Variants in KCNH6 observed in about 807,000 individuals in gnomAD.
KCNH6 encodes the protein potassium voltage-gated channel subfamily H member 6.
KCNH6 carries 81 observed loss-of-function variants against 83.4 expected under a neutral mutation model. The observed-to-expected ratio is 0.97, with a 90% CI of 0.81 to 1.17. The LOEUF is 1.17. Ranked by LOEUF, KCNH6 falls within the 50% of genes most tolerant of loss-of-function variation. The probability of loss-of-function intolerance (pLI) is 0.00; values close to 1 mark genes in which losing one functional copy is unlikely to be tolerated. For synonymous variants in KCNH6, 503 were observed against 545.6 expected, an observed-to-expected ratio of 0.92 and a Z score of 1.09; for missense variants, 1,203 against 1,290.5, an observed-to-expected ratio of 0.93 and a Z score of 1.04.
In KCNH6 at chr17:63,544,696, G is replaced by C. The variant is rs1254597102; in HGVS notation, c.2396+285G>C. 2.0e-5 allele frequency among the ~76,000 whole-genome samples: 3 copies of C among 152,154 alleles called. No individual in the cohort carries two copies. The East Asian group carries it at 5.8e-4, about 29-fold the overall frequency. ...TGTGGATGGCAGGGCTATGGTGGCA[G>C]AGCGAGGGCTTAGAGGCAGAACAGT... On this transcript the variant is annotated intron_variant, in intron 11 of 12. Transcript: ENST00000314672.
Position 63,530,138 on chromosome 17 carries a change from G to C in KCNH6, c.355G>C (p.Asp119His). The change falls in exon 3 of 13, where the codon GAC (aspartate) becomes CAC (histidine). Residue 119 changes from aspartate to histidine, a missense_variant. Transcript: ENST00000314672. ...LVDVVPVKNE[D>H]GAVIMFILNF... ...AGATGTGGTGCCCGTGAAGAACGAG[G>C]ACGGGGCTGTCATCATGTTCATTCT... 1 of 1,614,078 alleles carries C rather than the reference G, an allele frequency of 6.2e-7. No individual in the cohort carries two copies. The highest frequency in any genetic ancestry group is 8.5e-7 in the Non-Finnish European group (1 of 1,180,050).
intron 8 of KCNH6, 135 bp from the exon 9 acceptor site, chr17:63,542,106 C>T (rs752272521): frequency 1.8e-5 from 15 of 848,044 alleles, no homozygotes; most frequent in East Asian, 8.0e-5. Context: ...CCAGCCATGT[C>T]CCCAGAGCTC....
chr17:63,540,331 G>A (rs1598006574), intron 8 of KCNH6, among the ~76,000 whole-genome samples: 1 of 152,110 alleles, frequency 6.6e-6, no homozygotes, highest in Non-Finnish European at 1.5e-5. Context: ...TACTTGGGAG[G>A]CTGAGGCAGA....
In KCNH6 at chr17:63,543,007, G is replaced by C. The variant is rs536587169; in HGVS notation, c.2149-569G>C. Among the ~76,000 whole-genome samples the C allele has an allele frequency of 2.6e-4, 39 of 152,358 alleles. No individual in the cohort carries two copies. The South Asian group carries it at 8.1e-3, about 32-fold the overall frequency. On this transcript the variant is annotated intron_variant, in intron 9 of 12. Transcript: ENST00000314672. The stretch of plus-strand genomic sequence containing the variant: ...GAAGGTATAAAGGAGAAGCCATGTG[G>C]AGCTCAAGCTTGCTAAGGAGTGGGA...
chr17:63,548,221 G>A (rs949760924), downstream of KCNH6, among the ~76,000 whole-genome samples: 3 of 152,002 alleles, frequency 2.0e-5, no homozygotes, highest in African/African-American at 4.8e-5. Flanking sequence ...AGCCAAGATC[G>A]TGCCACTGCA....
At chr17:63,540,304 GTGC>G (rs775341525) in intron 8 of KCNH6, among the ~76,000 whole-genome samples, 7 of 151,978 alleles carry the variant, frequency 4.6e-5, no homozygotes, top group Non-Finnish European at 1.0e-4. Flanking sequence ...ATGGTGGCGG[GTGC>G]CTGTAATCCC....
chr17:63,544,402 A>G lies in KCNH6; in HGVS notation c.2387A>G (p.Gln796Arg), dbSNP rs1159885711. 6.3e-7 allele frequency: 1 copy of G among 1,579,088 alleles called. No individual in the cohort carries two copies. Among genetic ancestry groups the G allele is most frequent in the African/African-American group, 1.4e-5 (1 of 73,824 alleles). ...LGSRLEQLQA[Q>R]MNRLESRVSS... ...TCCAGGCTAGAGCAGCTCCAGGCCC[A>G]GATGAACAGGTGTGTGTGCTGTGGT... is the stretch of plus-strand genomic sequence containing the variant. Residue 796 changes from glutamine to arginine, a missense_variant, in exon 11 of 13, where the codon CAG becomes CGG. By Grantham distance (43) the Gln-to-Arg change is conservative. Transcript: ENST00000314672.
intron 2 of KCNH6, among the ~76,000 whole-genome samples, chr17:63,528,178 C>T (rs180723819): frequency 2.4e-4 from 36 of 152,302 alleles, no homozygotes; most frequent in African/African-American, 7.9e-4. Context: ...GAGCAGTGTC[C>T]GAGGCCACTG....
At position 63,523,981 on chromosome 17, in the gene KCNH6, C is replaced by T. The variant is rs2031518442; in HGVS notation, c.77-158C>T. On this transcript the variant is annotated intron_variant, in intron 1 of 12. Transcript: ENST00000314672. The surrounding 1 kb of genome is among the most constrained non-coding windows in gnomAD (Gnocchi z 4.2). ...CAAGACCCTCACTGCCCTAGTCTTC[C>T]CACAATCCCCAGGCCTGACTCCCTC... Among the ~76,000 whole-genome samples, 1 of 152,006 alleles carries T rather than the reference C, an allele frequency of 6.6e-6. No homozygotes were observed. The highest frequency in any genetic ancestry group is 2.1e-4 in the South Asian group (1 of 4,816).
rs1415765247 is a variant in KCNH6, at chr17:63,533,324, C to T, written c.676-562C>T. On this transcript the variant is annotated intron_variant, in intron 4 of 12. Transcript: ENST00000314672. This position sits in a 1 kb window ranked among gnomAD's most constrained non-coding sequence, Gnocchi z 4.1. ...ACCCGTTGAGGGTCCAGGTTGGCTA[C>T]ACCCCTACCCCATGGACTCTTTCCA... Among the ~76,000 whole-genome samples the T allele has an allele frequency of 6.6e-6, 1 of 152,138 alleles. No individual in the cohort carries two copies. The highest frequency in any genetic ancestry group is 2.4e-5 in the African/African-American group (1 of 41,416).
intron 8 of KCNH6, among the ~76,000 whole-genome samples, chr17:63,539,043 C>T (rs1040060689): frequency 3.9e-5 from 6 of 152,098 alleles, no homozygotes; most frequent in African/African-American, 1.4e-4. Context: ...GGCTGGGGAC[C>T]CCAGTCTCAT....
rs751877100 is a variant in KCNH6, at chr17:63,533,738, C to A, written c.676-148C>A. The A allele has an allele frequency of 7.7e-6, 5 of 649,444 alleles. No homozygotes were observed. Among genetic ancestry groups the A allele is most frequent in the Non-Finnish European group, 1.3e-5 (5 of 376,586 alleles). 40.2% of individuals were successfully genotyped at this position (649,444 alleles called of 1,614,324 possible). Reference sequence around the variant, plus strand: ...GGAACTTGCCTTCTCAGACACCCCCCACCCCATCTCTCCCTCATCCCCTCT... The same window carrying A: ...GGAACTTGCCTTCTCAGACACCCCCAACCCCATCTCTCCCTCATCCCCTCT... On this transcript the variant is annotated intron_variant, in intron 4 of 12. Coordinates refer to ENST00000314672, the MANE Select transcript of KCNH6 (RefSeq NM_001278919.2). This position sits in a 1 kb window ranked among gnomAD's most constrained non-coding sequence, Gnocchi z 4.1.
chr17:63,530,170 C>T lies in KCNH6; in HGVS notation c.387C>T (p.Phe129=), dbSNP rs757941229. 2.0e-5 allele frequency: 32 copies of T among 1,614,090 alleles called. No homozygotes were observed. The highest frequency in any genetic ancestry group is 2.5e-5 in the Non-Finnish European group (29 of 1,180,048). The change falls in exon 3 of 13, where the codon TTC becomes TTT. Residue 129 remains phenylalanine, a synonymous_variant. Transcript: ENST00000314672. ...CTGTCATCATGTTCATTCTCAACTT[C>T]GAGGACCTGGCCCAGCTCCTGGCCA... The part of the protein sequence containing the change: ...DGAVIMFILN[F]EDLAQLLAKC...
chr17:63,532,906 C>T (rs1198386487), intron 4 of KCNH6, among the ~76,000 whole-genome samples: 2 of 152,176 alleles, frequency 1.3e-5, no homozygotes, highest in Non-Finnish European at 2.9e-5. Context: ...ATAGATGGAT[C>T]TCACTAACTA....
Position 63,538,788 on chromosome 17 carries a change from C to T in KCNH6, c.1954+126C>T, listed in dbSNP as rs2032696502. ...TTACTTTTACTGGCAGCCACTTGCA[C>T]AGCATGTGCCCGGGAGAGCTTTAGA... On this transcript the variant is annotated intron_variant, in intron 8 of 12. Transcript: ENST00000314672. The surrounding 1 kb of genome is among the most constrained non-coding windows in gnomAD (Gnocchi z 4.0). 2.0e-6 allele frequency: 2 copies of T among 989,680 alleles called. No homozygotes were observed. The highest frequency in any genetic ancestry group is 2.5e-5 in the East Asian group (1 of 39,822). 61.3% of individuals were successfully genotyped at this position (989,680 alleles called of 1,614,324 possible). A position where few individuals can be genotyped will look rare whatever the true frequency, so the allele number is the denominator to read the frequency against.
chr17:63,538,673 C>T lies in KCNH6; in HGVS notation c.1954+11C>T. 2 of 1,568,452 alleles carry T rather than the reference C, an allele frequency of 1.3e-6. No homozygotes were observed. Among genetic ancestry groups the T allele is most frequent in the Non-Finnish European group, 1.7e-6 (2 of 1,153,112 alleles). On this transcript the variant is annotated intron_variant, in intron 8 of 12. Coordinates refer to ENST00000314672, the MANE Select transcript of KCNH6 (RefSeq NM_001278919.2). This position sits in a 1 kb window ranked among gnomAD's most constrained non-coding sequence, Gnocchi z 4.0. ...TCGTGGCCATCCTAGGTGGGTCCGG[C>T]GGAGTGGACCAGGCCTGTGTTGGGG...
At chr17:63,532,788 C>T (rs188753668) in intron 4 of KCNH6, among the ~76,000 whole-genome samples, 256 of 152,260 alleles carry the variant, frequency 1.7e-3, no homozygotes, top group African/African-American at 6.1e-3. Context: ...GTCCATGGAA[C>T]ACCCCTCCGG....
At chr17:63,542,514 C>T in intron 9 of KCNH6, 80 bp downstream of exon 9, 1 of 1,243,492 alleles carries the variant, frequency 8.0e-7, no homozygotes, top group South Asian at 1.3e-5. Context: ...ATCTGACCAA[C>T]ACCCTTCCTT....
Position 63,539,911 on chromosome 17 carries a change from C to T in KCNH6, c.1954+1249C>T, listed in dbSNP as rs144703515. ...ACAGTTCCCCATGGTCCATGCATGG[C>T]ATCCCCAGTTATCCCAATCCGACCA... On this transcript the variant is annotated intron_variant, in intron 8 of 12. Coordinates refer to ENST00000314672, the MANE Select transcript of KCNH6 (RefSeq NM_001278919.2). Among the ~76,000 whole-genome samples, 87 of 152,330 alleles carry T rather than the reference C, an allele frequency of 5.7e-4. 1 individual carries two copies. The East Asian group carries it at 0.011, about 20-fold the overall frequency.
Sources: gnomAD v4.1 joint callset for allele counts (sites outside exome capture counted in the v4.1 genomes callset) on GRCh38, gnomAD v4.1.1 for gene constraint, Gnocchi (gnomAD v3.1) non-coding constraint, MANE v1.5 for transcripts, NCBI Gene and HGNC (gene_info 2026-07-23, HGNC 2026-07-21) for gene names.